Variants in VCL observed in about 807,000 individuals in gnomAD.
VCL encodes the protein epididymis luminal protein 114.
Under a neutral mutation model 125.7 loss-of-function variants are expected in VCL, and 47 were observed. That is an observed-to-expected ratio of 0.37 (90% confidence interval 0.30 to 0.48). The LOEUF is 0.48. Among genes scored for constraint, VCL ranks in the 20% least tolerant of loss-of-function variants. The pLI is 0.99. For missense variants in VCL, 1,069 were observed against 1,455.5 expected, an observed-to-expected ratio of 0.73 and a Z score of 4.32; for synonymous variants, 458 against 514.6, an observed-to-expected ratio of 0.89 and a Z score of 1.49.
At chr10:74,018,201 T>TATAA (rs1433937715) in intron 1 of VCL, among the ~76,000 whole-genome samples, 20 of 139,804 alleles carry the variant, frequency 1.4e-4, no homozygotes, top group Non-Finnish European at 7.8e-5. Context: ...TATATATATA[T>TATAA]AAATACATAT....
intron 1 of VCL, among the ~76,000 whole-genome samples, chr10:74,039,390 C>T (rs1841050291): frequency 6.6e-6 from 1 of 151,990 alleles, no homozygotes; most frequent in African/African-American, 2.4e-5. Context: ...TATCACTCTC[C>T]CGGCTGACTG....
chr10:74,068,650 A>C (rs1490870490), intron 2 of VCL, among the ~76,000 whole-genome samples: 1 of 152,214 alleles, frequency 6.6e-6, no homozygotes, highest in African/African-American at 2.4e-5. Context: ...TAATAGAACA[A>C]CACATAAATG....
chr10:74,110,695 G>T (rs920056015), intron 18 of VCL, among the ~76,000 whole-genome samples: 1 of 152,154 alleles, frequency 6.6e-6, no homozygotes. Flanking sequence ...GGTTTCATGT[G>T]CAGGTTAAGA....
intron 1 of VCL, among the ~76,000 whole-genome samples, chr10:74,009,551 G>A (rs1218539753): frequency 2.6e-5 from 4 of 151,934 alleles, no homozygotes; most frequent in East Asian, 1.9e-4. Flanking sequence ...GAGCCACCGC[G>A]CCCGGCTTTA....
intron 10 of VCL, among the ~76,000 whole-genome samples, chr10:74,091,946 G>C (rs1839895246): frequency 6.6e-6 from 1 of 151,712 alleles, no homozygotes; most frequent in Non-Finnish European, 1.5e-5. Context: ...GTCTTGCTCT[G>C]CTGCCAGGCT....
chr10:74,098,656 C>T (rs1840006798), intron 13 of VCL, among the ~76,000 whole-genome samples: 1 of 152,176 alleles, frequency 6.6e-6, no homozygotes, highest in Non-Finnish European at 1.5e-5. Context: ...ATAGTATTGG[C>T]AGCGAATGAG....
chr10:74,037,372 C>A (rs777236729), intron 1 of VCL, among the ~76,000 whole-genome samples: 4 of 152,218 alleles, frequency 2.6e-5, no homozygotes, highest in Admixed American at 6.5e-5. Context: ...CCTAGACAGG[C>A]TTTGCCAGTT....
At chr10:74,012,867 G>A (rs1231316836) in intron 1 of VCL, among the ~76,000 whole-genome samples, 1 of 152,104 alleles carries the variant, frequency 6.6e-6, no homozygotes, top group Non-Finnish European at 1.5e-5. Context: ...CATAGTAAAT[G>A]TCCATTTTTC....
intron 14 of VCL, among the ~76,000 whole-genome samples, chr10:74,101,542 GTTTTTT>G (rs964739371): frequency 7.3e-4 from 64 of 88,128 alleles, no homozygotes; most frequent in African/African-American, 2.9e-3. Flanking sequence ...CTATTTATTA[GTTTTTT>G]TTTTTTTTTT....
intron 1 of VCL, among the ~76,000 whole-genome samples, chr10:74,021,113 T>C (rs1434141325): frequency 1.3e-5 from 2 of 152,022 alleles, no homozygotes; most frequent in African/African-American, 4.8e-5. Context: ...CTGCCTGGAG[T>C]TGCCCTTCCT....
chr10:74,010,081 AC>A (rs1467596396), intron 1 of VCL, among the ~76,000 whole-genome samples: 1 of 151,370 alleles, frequency 6.6e-6, no homozygotes, highest in Non-Finnish European at 1.5e-5. Context: ...TGCGCCACAC[AC>A]CCAGCTAATT....
chr10:74,066,047 G>GTATATATATA (rs143197525), intron 2 of VCL, among the ~76,000 whole-genome samples: 84 of 133,244 alleles, frequency 6.3e-4, no homozygotes, highest in African/African-American at 2.1e-3. Flanking sequence ...ATCAATTTTG[G>GTATATATATA]TATATATATA....
intron 2 of VCL, among the ~76,000 whole-genome samples, chr10:74,052,360 C>T (rs1016424759): frequency 1.2e-4 from 18 of 146,980 alleles, no homozygotes; most frequent in Admixed American, 6.8e-4. Context: ...ATAAATGATT[C>T]AATTCTTCAG....
chr10:74,120,904 CT>C (rs1840430531), downstream of VCL: 1 of 152,154 alleles, frequency 6.6e-6, no homozygotes. Flanking sequence ...ACAGAGTTAG[CT>C]TTTGGGGACA....
chr10:74,057,695 G>A (rs1172131237), intron 2 of VCL, among the ~76,000 whole-genome samples: 1 of 152,166 alleles, frequency 6.6e-6, no homozygotes, highest in Non-Finnish European at 1.5e-5. Context: ...ACTTTGGGAG[G>A]CTGAGGTGGC....
At chr10:74,045,137 C>T (rs1050097663) in intron 2 of VCL, among the ~76,000 whole-genome samples, 3 of 152,022 alleles carry the variant, frequency 2.0e-5, no homozygotes, top group Non-Finnish European at 4.4e-5. Context: ...CACCACTGCA[C>T]TCCAGCCTGG....
rs1591707871 is a variant in VCL, at chr10:74,097,705, T to C, written c.1872+373T>C. ...GGGTGTGGGATGGCATCATGTTAAA[T>C]GCAGGAAGAAATGAAGAATGGGGGT... On this transcript the variant is annotated intron_variant, in intron 13 of 21. Transcript: ENST00000211998. This position sits in a 1 kb window ranked among gnomAD's most constrained non-coding sequence, Gnocchi z 4.1. Among the ~76,000 whole-genome samples, 4 of 152,268 alleles carry C rather than the reference T, an allele frequency of 2.6e-5. No individual in the cohort carries two copies. In the East Asian group the frequency reaches 7.7e-4, roughly 29 times the overall value.
chr10:74,095,607 A>G (rs140469432), intron 11 of VCL, 49 bp from the exon 12 acceptor site: 1,180 of 1,611,156 alleles, frequency 7.3e-4, no homozygotes, highest in Admixed American at 1.0e-3. Context: ...TGGCATTGCA[A>G]TTGTCTCCTC....
At chr10:74,006,302 A>G (rs1290221258) in intron 1 of VCL, among the ~76,000 whole-genome samples, 1 of 152,182 alleles carries the variant, frequency 6.6e-6, no homozygotes, top group African/African-American at 2.4e-5. Context: ...CACAACTTAA[A>G]TGTTTGTTTA....
Sources: gnomAD v4.1 joint callset for allele counts (sites outside exome capture counted in the v4.1 genomes callset) on GRCh38, gnomAD v4.1.1 for gene constraint, Gnocchi (gnomAD v3.1) non-coding constraint, MANE v1.5 for transcripts, NCBI Gene and HGNC (gene_info 2026-07-23, HGNC 2026-07-21) for gene names.